KGD4: variants seen among roughly 807,000 people sequenced by gnomAD.
The protein encoded by KGD4 is alpha-ketoglutarate dehydrogenase subunit 4.
chr5:69,218,108 G>A, the KGD4 span: 3 of 623,208 alleles, frequency 4.8e-6, no homozygotes, highest in East Asian at 5.6e-5. Context: ...CAGCATCTTG[G>A]CAGGTAGGTC....
the KGD4 span, among the ~76,000 whole-genome samples, chr5:69,225,106 T>C: frequency 6.7e-6 from 1 of 150,026 alleles, no homozygotes; most frequent in African/African-American, 2.5e-5. Context: ...GCAGTAAATT[T>C]CCAGTGTTTT....
At chr5:69,229,377 C>T in the KGD4 span, 1 of 596,336 alleles carries the variant, frequency 1.7e-6, no homozygotes, top group Non-Finnish European at 2.8e-6. Context: ...ACTTGTATTT[C>T]CTAATTTATG....
At chr5:69,229,246 C>A in the KGD4 span, 4 of 1,605,184 alleles carry the variant, frequency 2.5e-6, no homozygotes, top group Non-Finnish European at 3.4e-6. Flanking sequence ...TGCTGTTTGT[C>A]ATCAGACAAT....
At chr5:69,218,847 T>C in the KGD4 span, among the ~76,000 whole-genome samples, 1 of 152,212 alleles carries the variant, frequency 6.6e-6, no homozygotes, top group African/African-American at 2.4e-5. Flanking sequence ...TTTGGTCCCA[T>C]TGCAATGAAT....
the KGD4 span, among the ~76,000 whole-genome samples, chr5:69,219,501 T>A: frequency 6.6e-6 from 1 of 152,092 alleles, no homozygotes; most frequent in Non-Finnish European, 1.5e-5. Context: ...ATGTCTGTCT[T>A]TTGCATAAAC....
At chr5:69,227,550 C>T in the KGD4 span, among the ~76,000 whole-genome samples, 1 of 152,124 alleles carries the variant, frequency 6.6e-6, no homozygotes, top group Non-Finnish European at 1.5e-5. Flanking sequence ...AATTTTAACA[C>T]ATTTTATAGG....
chr5:69,225,131 G>T, the KGD4 span, among the ~76,000 whole-genome samples: 2 of 151,050 alleles, frequency 1.3e-5, no homozygotes, highest in Admixed American at 6.6e-5. Flanking sequence ...TTGAGATGGG[G>T]TCTCACTCTG....
At chr5:69,223,071 C>CCGAGA in the KGD4 span, among the ~76,000 whole-genome samples, 1 of 55,088 alleles carries the variant, frequency 1.8e-5, no homozygotes, top group African/African-American at 9.2e-5. Context: ...TCACGGTGCG[C>CCGAGA]AGCTTTTTTT....
chr5:69,220,118 C>G, the KGD4 span, among the ~76,000 whole-genome samples: 2 of 151,650 alleles, frequency 1.3e-5, no homozygotes, highest in African/African-American at 4.8e-5. Context: ...GTGGTCCCAG[C>G]TACTCAGGAG....
the KGD4 span, among the ~76,000 whole-genome samples, chr5:69,222,154 G>A: frequency 6.6e-6 from 1 of 151,862 alleles, no homozygotes; most frequent in Non-Finnish European, 1.5e-5. Context: ...TTAGTTTTCT[G>A]TCTCTGACTG....
At chr5:69,218,119 C>G in the KGD4 span, 1 of 574,524 alleles carries the variant, frequency 1.7e-6, no homozygotes, top group Non-Finnish European at 3.1e-6. Context: ...CAGGTAGGTC[C>G]TGTACCTACT....
At chr5:69,220,553 G>A in the KGD4 span, among the ~76,000 whole-genome samples, 11 of 151,738 alleles carry the variant, frequency 7.2e-5, no homozygotes, top group East Asian at 9.7e-4. Flanking sequence ...CGGCCGCCCC[G>A]TCTGGGATGT....
At chr5:69,218,734 T>A in the KGD4 span, among the ~76,000 whole-genome samples, 1 of 152,202 alleles carries the variant, frequency 6.6e-6, no homozygotes, top group African/African-American at 2.4e-5. Context: ...ACTTTTATCT[T>A]TGATATGAGA....
At chr5:69,225,262 A>ATTT in the KGD4 span, among the ~76,000 whole-genome samples, 20 of 104,284 alleles carry the variant, frequency 1.9e-4, no homozygotes, top group African/African-American at 4.1e-4. Flanking sequence ...ATAGCACCAC[A>ATTT]TTTTTTTTTT....
the KGD4 span, chr5:69,229,101 A>T: frequency 1.1e-6 from 1 of 924,652 alleles, no homozygotes; most frequent in Non-Finnish European, 1.7e-6. Context: ...TTTTTTAAAA[A>T]CCAAAGATTA....
chr5:69,229,021 CAAAAAA>C, the KGD4 span, among the ~76,000 whole-genome samples: 3 of 50,488 alleles, frequency 5.9e-5, no homozygotes, highest in African/African-American at 1.7e-4. Context: ...AACTCCATCT[CAAAAAA>C]AAAAAAAAAA....
chr5:69,229,746 T>C, the KGD4 span: 2 of 152,538 alleles, frequency 1.3e-5, no homozygotes, highest in Non-Finnish European at 2.9e-5. Context: ...TTAGTAAGTA[T>C]ATCCTACTCT....
the KGD4 span, chr5:69,229,199 C>G: frequency 1.2e-6 from 2 of 1,609,148 alleles, no homozygotes; most frequent in East Asian, 4.5e-5. Flanking sequence ...TTTATTTTTT[C>G]CTTTTCAGCG....
chr5:69,229,211 G>A, the KGD4 span: 1 of 1,609,866 alleles, frequency 6.2e-7, no homozygotes, highest in Non-Finnish European at 8.5e-7. Context: ...TTTTCAGCGT[G>A]GAGGTCCTGA....
Sources: allele counts gnomAD v4.1 joint callset (sites outside exome capture counted in the v4.1 genomes callset), GRCh38; gene constraint gnomAD v4.1.1; transcripts MANE v1.5; gene names NCBI Gene and HGNC (gene_info 2026-07-23, HGNC 2026-07-21).